The following COL4A5 variants were observed in gnomAD, a reference collection of about 807,000 sequenced individuals.
COL4A5 encodes the protein collagen alpha-5(IV) chain.
COL4A5 carries 26 observed loss-of-function variants against 130.2 expected under a neutral mutation model. The ratio of observed to expected loss-of-function variants is 0.20; its 90% CI spans 0.15 to 0.28. COL4A5 has a LOEUF of 0.28. Ranked by LOEUF, COL4A5 falls within the 10% of genes least tolerant of loss-of-function variation. The pLI is 1.00. For synonymous variants in COL4A5, 496 were observed against 439.6 expected, an observed-to-expected ratio of 1.13 and a Z score of -1.60; for missense variants, 1,131 against 1,344.3, an observed-to-expected ratio of 0.84 and a Z score of 2.48.
At chrX:108,453,573 G>T (rs2064552141) in intron 1 of COL4A5, among the ~76,000 whole-genome samples, 1 of 111,410 alleles carries the variant, frequency 9.0e-6, no homozygotes, top group Non-Finnish European at 1.9e-5. Flanking sequence ...TATGGTATAT[G>T]TTGATAGATG....
In COL4A5 at chrX:108,696,276, GTCTTATT is replaced by G; in HGVS notation, c.4995-11_4995-5del. Reference sequence around the variant, plus strand: ...AATACCAGAAAATGTGGATCTGATTGTCTTATTTCTTATTTCCCAGTAAACCTCAGTC... The same window carrying G: ...AATACCAGAAAATGTGGATCTGATTGTCTTATTTCCCAGTAAACCTCAGTC... On this transcript the variant is annotated splice_polypyrimidine_tract_variant and intron_variant, in intron 52 of 52. Coordinates refer to ENST00000328300, the MANE Select transcript of COL4A5 (RefSeq NM_033380.3). The G allele has an allele frequency of 8.6e-7, 1 of 1,162,998 alleles. No individual in the cohort carries two copies. Among genetic ancestry groups the G allele is most frequent in the Non-Finnish European group, 1.2e-6 (1 of 851,000 alleles).
chrX:108,459,040 T>G (rs1260674061), intron 1 of COL4A5, among the ~76,000 whole-genome samples: 2 of 112,029 alleles, frequency 1.8e-5, no homozygotes, highest in Admixed American at 1.9e-4. Flanking sequence ...AGGTCTTATA[T>G]GTACTTTATT....
Position 108,694,873 on chromosome X carries a change from T to C in COL4A5, c.4773T>C (p.His1591=), listed in dbSNP as rs2068706004. The C allele has an allele frequency of 2.5e-6, 3 of 1,209,941 alleles. No homozygotes were observed. In the East Asian group the frequency reaches 8.9e-5, roughly 36 times the overall value. The part of the protein sequence containing the change: ...AVHSQTIQIP[H]CPQGWDSLWI... ...ACAGTCAGACGATCCAGATTCCCCA[T>C]TGTCCTCAGGGATGGGATTCTCTGT... is the stretch of plus-strand genomic sequence containing the variant. The change falls in exon 51 of 53, where the codon CAT becomes CAC. Residue 1591 remains histidine (H), a synonymous_variant. Transcript: ENST00000328300.
intron 1 of COL4A5, among the ~76,000 whole-genome samples, chrX:108,460,699 G>A (rs113486691): frequency 2.6e-5 from 2 of 76,773 alleles, no homozygotes; most frequent in Non-Finnish European, 4.7e-5. Context: ...GTAGAGATGC[G>A]ATTTCACCAT....
At position 108,634,295 on chromosome X, in the gene COL4A5, A is replaced by G. The variant is rs769137152; in HGVS notation, c.3246+7946A>G. Among the ~76,000 whole-genome samples the G allele has an allele frequency of 9.0e-5, 10 of 111,458 alleles. No homozygotes were observed. In the Admixed American group the frequency reaches 9.6e-4, roughly 11 times the overall value. On this transcript the variant is annotated intron_variant, in intron 36 of 52. Transcript: ENST00000328300. ...AATGGGGTTATAGAATTAATAGCCA[A>G]CCATAGAATTGTAGACACTGCCACC...
chrX:108,452,899 G>T (rs974371679), intron 1 of COL4A5, among the ~76,000 whole-genome samples: 22 of 110,822 alleles, frequency 2.0e-4, no homozygotes, highest in African/African-American at 6.6e-4. Flanking sequence ...TCCCTGTCTT[G>T]TGCCAGTTTT....
intron 37 of COL4A5, among the ~76,000 whole-genome samples, chrX:108,658,147 T>G (rs774406696): frequency 8.3e-4 from 92 of 111,375 alleles, no homozygotes; most frequent in Non-Finnish European, 4.7e-4. Context: ...CATACTATAA[T>G]GGGAATTTTT....
At chrX:108,571,578 A>T (rs1043178046) in intron 7 of COL4A5, 112 bp downstream of exon 7, 8 of 660,047 alleles carry the variant, frequency 1.2e-5, no homozygotes, top group Non-Finnish European at 2.0e-5. Flanking sequence ...ATTTTAAAGT[A>T]ATAAACTAGA....
chrX:108,630,392 A>G (rs2067233284), intron 36 of COL4A5, among the ~76,000 whole-genome samples: 1 of 111,878 alleles, frequency 8.9e-6, no homozygotes, highest in Non-Finnish European at 1.9e-5. Flanking sequence ...TTTGATTTGC[A>G]TTTCTCTGAT....
intron 1 of COL4A5, among the ~76,000 whole-genome samples, chrX:108,457,667 C>T (rs896953590): frequency 5.4e-5 from 6 of 111,590 alleles, no homozygotes; most frequent in African/African-American, 2.0e-4. Context: ...TTAACTACTG[C>T]CGTAATCAAG....
At chrX:108,601,783 G>A in intron 26 of COL4A5, 102 bp from the exon 27 acceptor site, 2 of 552,262 alleles carry the variant, frequency 3.6e-6, no homozygotes, top group Admixed American at 5.4e-5. Context: ...CATTGCCTCA[G>A]CCTCCCAAAG....
chrX:108,573,528 T>C, intron 8 of COL4A5, 46 bp from the exon 9 acceptor site: 2 of 924,789 alleles, frequency 2.2e-6, no homozygotes, highest in African/African-American at 3.8e-5. Context: ...CTGGTTTTCA[T>C]GTATAATAAC....
At chrX:108,670,540 G>A (rs1213689465) in intron 42 of COL4A5, 2 of 329,839 alleles carry the variant, frequency 6.1e-6, no homozygotes, top group Non-Finnish European at 1.1e-5. Context: ...TTTCTTTGGA[G>A]TCTGTTTCTT....
intron 36 of COL4A5, among the ~76,000 whole-genome samples, chrX:108,629,513 G>T (rs2067213390): frequency 9.0e-6 from 1 of 110,999 alleles, no homozygotes; most frequent in Admixed American, 9.6e-5. Flanking sequence ...GAAGATTTGT[G>T]TATGGAATAT....
At chrX:108,569,449 A>G (rs1003729116) in intron 6 of COL4A5, among the ~76,000 whole-genome samples, 1 of 111,606 alleles carries the variant, frequency 9.0e-6, no homozygotes, top group African/African-American at 3.3e-5. Context: ...GATTGAATAT[A>G]AAGTAATAGA....
chrX:108,460,305 A>G (rs943633233), intron 1 of COL4A5, among the ~76,000 whole-genome samples: 3 of 111,652 alleles, frequency 2.7e-5, no homozygotes, highest in South Asian at 3.7e-4. Context: ...TAAGCTATAC[A>G]TTTTTCTTAG....
At chrX:108,553,602 A>G (rs1302315380) in intron 2 of COL4A5, among the ~76,000 whole-genome samples, 1 of 112,008 alleles carries the variant, frequency 8.9e-6, no homozygotes, top group African/African-American at 3.2e-5. Context: ...GCAAGTATAG[A>G]TGAGAATGTG....
At chrX:108,457,693 A>G (rs1381851376) in intron 1 of COL4A5, among the ~76,000 whole-genome samples, 1 of 111,851 alleles carries the variant, frequency 8.9e-6, no homozygotes. Flanking sequence ...GAATACTTCC[A>G]TAACCTCAAA....
chrX:108,523,941 G>A (rs938308613), intron 1 of COL4A5, among the ~76,000 whole-genome samples: 4 of 111,107 alleles, frequency 3.6e-5, no homozygotes, highest in Non-Finnish European at 7.6e-5. Flanking sequence ...ATGTGACCTT[G>A]CTAAATTCAT....
Sources: allele counts gnomAD v4.1 joint callset (sites outside exome capture counted in the v4.1 genomes callset), GRCh38; gene constraint gnomAD v4.1.1; transcripts MANE v1.5; gene names NCBI Gene and HGNC (gene_info 2026-07-23, HGNC 2026-07-21).